ELAPOR2: variants seen among roughly 807,000 people sequenced by gnomAD.
ELAPOR2 encodes endosome/lysosome-associated apoptosis and autophagy regulator family member 2.
ELAPOR2 carries 89 observed loss-of-function variants against 120.7 expected under a neutral mutation model. The ratio of observed to expected loss-of-function variants is 0.74; its 90% CI spans 0.62 to 0.88. The LOEUF (loss-of-function observed/expected upper bound fraction) is 0.88. ELAPOR2 is among the 40% of genes least tolerant of loss of function. The pLI, the probability that ELAPOR2 is intolerant of heterozygous loss-of-function variation, is 0.00. For missense variants in ELAPOR2, 1,134 were observed against 1,251.6 expected (o/e 0.91, Z 1.42); for synonymous variants, 444 against 444.9 (o/e 1.00, Z 0.03).
At chr7:87,017,440 T>C (rs998759952) in intron 1 of ELAPOR2, among the ~76,000 whole-genome samples, 2 of 152,148 alleles carry the variant, frequency 1.3e-5, no homozygotes, top group Non-Finnish European at 2.9e-5. Flanking sequence ...AAAATGCTCA[T>C]AATAGATGAG....
intron 1 of ELAPOR2, among the ~76,000 whole-genome samples, chr7:87,036,114 T>A (rs932371719): frequency 6.6e-6 from 1 of 152,264 alleles, no homozygotes; most frequent in East Asian, 1.9e-4. Context: ...TAGCCAGGAA[T>A]CTGCCTAATA....
chr7:86,946,730 T>G (rs1423540426), intron 3 of ELAPOR2, among the ~76,000 whole-genome samples: 1 of 152,104 alleles, frequency 6.6e-6, no homozygotes, highest in Non-Finnish European at 1.5e-5. Flanking sequence ...TAGAAAACAC[T>G]ACATTGAAAA....
At chr7:87,008,957 C>T (rs140191275) in intron 1 of ELAPOR2, among the ~76,000 whole-genome samples, 2 of 152,102 alleles carry the variant, frequency 1.3e-5, no homozygotes, top group Non-Finnish European at 2.9e-5. Flanking sequence ...AAAGCTATTT[C>T]ATAAGTGGAA....
rs573806614 is a variant in ELAPOR2 at position 86,917,808 on chromosome 7, A to G, written c.1593+634T>C. ...AACTGGCTACTAAAAGGTCATTGGG[A>G]AAAAAAAACACAAAAACAAAGCAGG... On this transcript the variant is annotated intron_variant, in intron 12 of 21. Transcript: ENST00000450689. Among the ~76,000 whole-genome samples the G allele has an allele frequency of 1.8e-3, 218 of 118,846 alleles. 1 individual carries two copies. The highest frequency in any genetic ancestry group is 4.7e-3 in the Admixed American group (58 of 12,306). 78.0% of individuals were successfully genotyped at this position (118,846 alleles called of 152,430 possible).
chr7:86,901,679 T>G (rs960213250), intron 18 of ELAPOR2, among the ~76,000 whole-genome samples: 9 of 152,152 alleles, frequency 5.9e-5, no homozygotes, highest in Admixed American at 5.2e-4. Flanking sequence ...CCTAGAAAAT[T>G]TGTCAGTTGA....
intron 21 of ELAPOR2, among the ~76,000 whole-genome samples, chr7:86,882,299 A>G (rs1218294882): frequency 6.6e-6 from 1 of 152,228 alleles, no homozygotes; most frequent in Non-Finnish European, 1.5e-5. Flanking sequence ...ATAGGATATT[A>G]AAGGAAAGAG....
intron 1 of ELAPOR2, among the ~76,000 whole-genome samples, chr7:86,983,874 T>G (rs2116566104): frequency 6.6e-6 from 1 of 152,268 alleles, no homozygotes; most frequent in South Asian, 2.1e-4. Flanking sequence ...ATACCCCAAT[T>G]AAAAGACACA....
chr7:86,882,689 T>C (rs1799469334), intron 21 of ELAPOR2, among the ~76,000 whole-genome samples: 1 of 152,122 alleles, frequency 6.6e-6, no homozygotes, highest in Non-Finnish European at 1.5e-5. Flanking sequence ...ACTTGGTAGG[T>C]TGTCAATCAA....
intron 1 of ELAPOR2, among the ~76,000 whole-genome samples, chr7:86,995,317 C>T (rs1793087075): frequency 6.6e-6 from 1 of 152,162 alleles, no homozygotes; most frequent in Non-Finnish European, 1.5e-5. Context: ...TCTAGAGGGA[C>T]AGATAATACA....
At chr7:86,992,755 T>C (rs1294252664) in intron 1 of ELAPOR2, among the ~76,000 whole-genome samples, 5 of 152,214 alleles carry the variant, frequency 3.3e-5, no homozygotes, top group Non-Finnish European at 5.9e-5. Context: ...TTCATGCTAC[T>C]ATGGGGACAA....
chr7:86,969,314 T>C (rs1792025678), intron 1 of ELAPOR2, among the ~76,000 whole-genome samples: 1 of 152,074 alleles, frequency 6.6e-6, no homozygotes, highest in African/African-American at 2.4e-5. Context: ...GGGAATCATC[T>C]CCCAATTCTC....
rs147886977 is a variant in ELAPOR2, at chr7:86,905,182, A to AAG, written c.2558+2486_2558+2487dup. Among the ~76,000 whole-genome samples, 1,378 of 143,438 alleles carry AAG rather than the reference A, an allele frequency of 9.6e-3. 19 individuals are homozygous for AAG. The highest frequency in any genetic ancestry group is 0.017 in the African/African-American group (663 of 38,682). The allele number at this position is 143,438 out of a possible 152,430, so 94.1% of individuals were successfully genotyped here. A position where few individuals can be genotyped will look rare whatever the true frequency, so the allele number is the denominator to read the frequency against. On this transcript the variant is annotated intron_variant, in intron 18 of 21. Coordinates refer to ENST00000450689, the MANE Select transcript of ELAPOR2 (RefSeq NM_001142749.3). ...AAAGAGAGAAAGAAAGAAAGAGAGAAAGAGAGAGAGAGAGAGAGAGAGAAA... is the reference window on the plus strand; with the variant it reads ...AAAGAGAGAAAGAAAGAAAGAGAGAAAGAGAGAGAGAGAGAGAGAGAGAGAAA...
rs751372050 is a variant in ELAPOR2, at chr7:86,909,845, A to T, written c.2326T>A (p.Ser776Thr). ...ESKGFRAALS[S>T]QSIILADTFI... ...GTATCTGCCAGAATGATGGATTGTGATGATAAGGCTGCTCGGAAACCCTTA... is the reference window on the plus strand; with the variant it reads ...GTATCTGCCAGAATGATGGATTGTGTTGATAAGGCTGCTCGGAAACCCTTA... The change falls in exon 16 of 22, where the codon TCA becomes ACA. Residue 776 changes from serine (S) to threonine (T), a missense_variant. Coordinates refer to ENST00000450689, the MANE Select transcript of ELAPOR2 (RefSeq NM_001142749.3). 6.2e-7 allele frequency: 1 copy of T among 1,612,656 alleles called. No homozygotes were observed. The highest frequency in any genetic ancestry group is 8.5e-7 in the Non-Finnish European group (1 of 1,179,260).
At chr7:87,009,311 A>G (rs1320021656) in intron 1 of ELAPOR2, among the ~76,000 whole-genome samples, 3 of 152,234 alleles carry the variant, frequency 2.0e-5, no homozygotes, top group Non-Finnish European at 4.4e-5. Flanking sequence ...ATCTATGGAA[A>G]AGATTTCAAT....
chr7:86,972,316 G>A (rs1792131987), intron 1 of ELAPOR2, among the ~76,000 whole-genome samples: 1 of 152,104 alleles, frequency 6.6e-6, no homozygotes, highest in South Asian at 2.1e-4. Flanking sequence ...AAATGAATCT[G>A]ATTGGGAACC....
At chr7:86,883,424 G>A (rs1314190936) in intron 21 of ELAPOR2, among the ~76,000 whole-genome samples, 1 of 152,000 alleles carries the variant, frequency 6.6e-6, no homozygotes, top group Admixed American at 6.6e-5. Flanking sequence ...CTTAAAAATA[G>A]ACACACAATA....
chr7:86,925,669 A>C lies in ELAPOR2; in HGVS notation c.1271-13T>G. On this transcript the variant is annotated splice_polypyrimidine_tract_variant and intron_variant, in intron 9 of 21. Transcript: ENST00000450689. ...CATGGTCTACATTCTACAGGAGACAAGTAGGGTCAACAATTAAAATTAAAC... is the reference window on the plus strand; with the variant it reads ...CATGGTCTACATTCTACAGGAGACACGTAGGGTCAACAATTAAAATTAAAC... 2 of 1,610,526 alleles carry C rather than the reference A, an allele frequency of 1.2e-6. No individual in the cohort carries two copies. Among genetic ancestry groups the C allele is most frequent in the Non-Finnish European group, 1.7e-6 (2 of 1,177,540 alleles).
intron 8 of ELAPOR2, among the ~76,000 whole-genome samples, chr7:86,930,893 C>A (rs1377681762): frequency 6.6e-6 from 1 of 151,906 alleles, no homozygotes; most frequent in South Asian, 2.1e-4. Flanking sequence ...AGGAAATTCT[C>A]ACTGAGTACC....
At position 86,919,322 on chromosome 7, in the gene ELAPOR2, A is replaced by G. The variant is rs771651960; in HGVS notation, c.1400-12T>C. 1.9e-6 allele frequency: 3 copies of G among 1,542,920 alleles called. No individual in the cohort carries two copies. The highest frequency in any genetic ancestry group is 3.6e-5 in the Admixed American group (2 of 54,826). On this transcript the variant is annotated splice_polypyrimidine_tract_variant and intron_variant, in intron 10 of 21. Coordinates refer to ENST00000450689, the MANE Select transcript of ELAPOR2 (RefSeq NM_001142749.3). ...AGCCACCTCCCAACCTAGAAGTAAT[A>G]AAAGTCATTTTTATTAATAAAAATT...
Sources: allele counts gnomAD v4.1 joint callset (sites outside exome capture counted in the v4.1 genomes callset), GRCh38; gene constraint gnomAD v4.1.1; transcripts MANE v1.5; gene names NCBI Gene and HGNC (gene_info 2026-07-23, HGNC 2026-07-21).